The following KCNH1 variants were observed in gnomAD, a reference collection of about 807,000 sequenced individuals.
KCNH1 encodes potassium voltage-gated channel subfamily H member 1, also known as voltage-gated delayed rectifier potassium channel KCNH1.
A neutral mutation model predicts 69.2 loss-of-function variants in KCNH1; 27 were observed. That is an observed-to-expected ratio of 0.39 (90% CI 0.29 to 0.54). The LOEUF is 0.54. KCNH1 is among the 20% of genes least tolerant of loss of function. The pLI is 0.68. For synonymous variants in KCNH1, 456 were observed against 487.7 expected, an observed-to-expected ratio of 0.93 and a Z score of 0.86; for missense variants, 798 against 1,261.6, an observed-to-expected ratio of 0.63 and a Z score of 5.57.
At chr1:210,763,125 T>C (rs946839641) in intron 10 of KCNH1, among the ~76,000 whole-genome samples, 5 of 152,050 alleles carry the variant, frequency 3.3e-5, no homozygotes, top group African/African-American at 1.2e-4. Context: ...ATAAAAACCA[T>C]GTAATCATCT....
intron 6 of KCNH1, among the ~76,000 whole-genome samples, chr1:210,934,334 C>T (rs1687734421): frequency 6.6e-6 from 1 of 152,110 alleles, no homozygotes. Flanking sequence ...AACTCAACAG[C>T]AAAACATTTA....
intron 7 of KCNH1, among the ~76,000 whole-genome samples, chr1:210,811,321 A>G (rs903706535): frequency 6.6e-6 from 1 of 151,958 alleles, no homozygotes; most frequent in Non-Finnish European, 1.5e-5. Flanking sequence ...CTCCACCTTC[A>G]CCTCCACTTG....
At chr1:210,778,175 C>T (rs1053015760) in intron 9 of KCNH1, among the ~76,000 whole-genome samples, 1 of 152,208 alleles carries the variant, frequency 6.6e-6, no homozygotes, top group Non-Finnish European at 1.5e-5. Flanking sequence ...ACTGCAACCA[C>T]ATGTGGGAAG....
At chr1:211,055,371 C>T (rs1690285440) in intron 5 of KCNH1, among the ~76,000 whole-genome samples, 1 of 152,170 alleles carries the variant, frequency 6.6e-6, no homozygotes, top group African/African-American at 2.4e-5. Flanking sequence ...TTCAGACCAG[C>T]CCCAACCAGA....
At chr1:210,842,968 C>T (rs187820781) in intron 7 of KCNH1, among the ~76,000 whole-genome samples, 1 of 152,160 alleles carries the variant, frequency 6.6e-6, no homozygotes, top group African/African-American at 2.4e-5. Flanking sequence ...GCCCCACCAC[C>T]CACATTTCCT....
chr1:210,749,570 G>A (rs758155783), intron 10 of KCNH1, among the ~76,000 whole-genome samples: 8 of 152,014 alleles, frequency 5.3e-5, no homozygotes, highest in Non-Finnish European at 1.0e-4. Flanking sequence ...TACTGAATTG[G>A]AACCTACTTG....
At chr1:211,108,116 G>T (rs1031133080) in intron 1 of KCNH1, among the ~76,000 whole-genome samples, 1 of 152,172 alleles carries the variant, frequency 6.6e-6, no homozygotes, top group African/African-American at 2.4e-5. Flanking sequence ...GGTTTAGGTA[G>T]GCTAGTTGTG....
At chr1:210,870,153 GT>G (rs1452974846) in intron 7 of KCNH1, among the ~76,000 whole-genome samples, 5 of 152,032 alleles carry the variant, frequency 3.3e-5, no homozygotes, top group Non-Finnish European at 7.4e-5. Flanking sequence ...ACCAAAAGGA[GT>G]TTTTTTCATA....
At chr1:210,796,676 T>G (rs1385312765) in intron 9 of KCNH1, among the ~76,000 whole-genome samples, 1 of 152,128 alleles carries the variant, frequency 6.6e-6, no homozygotes, top group Non-Finnish European at 1.5e-5. Flanking sequence ...ACAGCAAATC[T>G]GTCATTGGGT....
intron 10 of KCNH1, among the ~76,000 whole-genome samples, chr1:210,726,386 A>G (rs1323546577): frequency 6.6e-6 from 1 of 152,232 alleles, no homozygotes; most frequent in African/African-American, 2.4e-5. Flanking sequence ...TCAGATGCCT[A>G]TAATAATTCA....
intron 6 of KCNH1, among the ~76,000 whole-genome samples, chr1:211,007,007 T>C (rs1436201737): frequency 6.6e-6 from 1 of 152,144 alleles, no homozygotes; most frequent in Admixed American, 6.5e-5. Flanking sequence ...GATAAAATCA[T>C]GGGCAATCCT....
At chr1:210,773,622 A>G (rs1683796220) in intron 10 of KCNH1, among the ~76,000 whole-genome samples, 1 of 151,832 alleles carries the variant, frequency 6.6e-6, no homozygotes, top group South Asian at 2.1e-4. Flanking sequence ...CTCCCAGTAG[A>G]TCATTGGCCC....
intron 3 of KCNH1, among the ~76,000 whole-genome samples, chr1:211,100,647 G>A (rs899867781): frequency 6.6e-6 from 1 of 152,148 alleles, no homozygotes; most frequent in African/African-American, 2.4e-5. Flanking sequence ...CACTGCACCC[G>A]GCCCCTCATG....
intron 10 of KCNH1, among the ~76,000 whole-genome samples, chr1:210,714,718 A>G (rs1682178281): frequency 1.3e-5 from 2 of 152,134 alleles, no homozygotes; most frequent in Non-Finnish European, 2.9e-5. Context: ...CCTTCAAAGG[A>G]AGGCAGTCTA....
At chr1:211,112,126 C>G (rs1571655990) in intron 1 of KCNH1, among the ~76,000 whole-genome samples, 1 of 106,374 alleles carries the variant, frequency 9.4e-6, no homozygotes, top group Non-Finnish European at 2.3e-5. Context: ...GCCACCTCAC[C>G]GTCTGGGAAG....
intron 7 of KCNH1, among the ~76,000 whole-genome samples, chr1:210,913,001 C>T (rs1180977756): frequency 1.3e-5 from 2 of 152,144 alleles, no homozygotes; most frequent in African/African-American, 4.8e-5. Context: ...AAAATAGGGT[C>T]CATCAGCCTA....
intron 6 of KCNH1, among the ~76,000 whole-genome samples, chr1:210,970,740 A>C (rs1474626571): frequency 1.3e-5 from 2 of 152,178 alleles, no homozygotes; most frequent in African/African-American, 2.4e-5. Flanking sequence ...CAAAGATTTT[A>C]TGATGAAATC....
At chr1:211,131,216 T>C (rs938672297) in intron 1 of KCNH1, among the ~76,000 whole-genome samples, 3 of 152,112 alleles carry the variant, frequency 2.0e-5, no homozygotes, top group African/African-American at 7.2e-5. Context: ...CACAGCTCTA[T>C]GATATTCCGG....
intron 7 of KCNH1, among the ~76,000 whole-genome samples, chr1:210,883,742 T>C (rs1415987478): frequency 6.6e-6 from 1 of 152,250 alleles, no homozygotes; most frequent in African/African-American, 2.4e-5. Flanking sequence ...ATTGTGGTAT[T>C]GTCTTGGACA....
Sources: allele counts gnomAD v4.1 joint callset (sites outside exome capture counted in the v4.1 genomes callset), GRCh38; gene constraint gnomAD v4.1.1; transcripts MANE v1.5; gene names NCBI Gene and HGNC (gene_info 2026-07-23, HGNC 2026-07-21).